The following LRRN3 variants were observed in gnomAD, a reference collection of about 807,000 sequenced individuals.
The protein encoded by LRRN3 is leucine rich repeat neuronal 3.
Under a neutral mutation model 40.1 loss-of-function variants are expected in LRRN3, and 15 were observed. The observed-to-expected ratio is 0.37, with a 90% CI of 0.25 to 0.58. The LOEUF (loss-of-function observed/expected upper bound fraction) is 0.58. LRRN3 is among the 20% of genes least tolerant of loss of function. LRRN3 has a pLI of 0.72. For synonymous variants in LRRN3, 308 were observed against 297.2 expected, an observed-to-expected ratio of 1.04 and a Z score of -0.37; for missense variants, 746 against 837.7, an observed-to-expected ratio of 0.89 and a Z score of 1.35.
intron 2 of LRRN3, among the ~76,000 whole-genome samples, chr7:111,121,272 G>A (rs2129588236): frequency 6.6e-6 from 1 of 152,238 alleles, no homozygotes; most frequent in East Asian, 1.9e-4. Flanking sequence ...TGTCAGATGA[G>A]TAGATTGCAA....
chr7:111,122,249 C>A (rs1045393905), intron 2 of LRRN3, among the ~76,000 whole-genome samples, 166 bp from the exon 3 acceptor site: 3 of 151,946 alleles, frequency 2.0e-5, no homozygotes, highest in East Asian at 1.9e-4. Flanking sequence ...CAAGGACAGT[C>A]ATGAAAAAGA....
chr7:111,091,649 G>T (rs913261046), intron 1 of LRRN3, 145 bp downstream of exon 1: 5 of 152,080 alleles, frequency 3.3e-5, no homozygotes, highest in African/African-American at 1.2e-4. Flanking sequence ...CTTTTGAGAA[G>T]AAATTCACAT....
chr7:111,119,758 C>G (rs1277535964), intron 2 of LRRN3, among the ~76,000 whole-genome samples: 1 of 152,028 alleles, frequency 6.6e-6, no homozygotes, highest in East Asian at 1.9e-4. Flanking sequence ...AATGATAATG[C>G]CCAGAAGATA....
rs1253659094 is a variant in LRRN3 at position 111,123,828 on chromosome 7, T to C, written c.1056T>C (p.Gly352=). ...NSNALSALYH[G]TIESLPNLKE... ...ATGCTCTCAGTGCCCTGTACCATGG[T>C]ACCATTGAGTCTCTGCCAAACCTCA... The change falls in exon 3 of 3, where the codon GGT becomes GGC. Residue 352 remains glycine, a synonymous_variant. Transcript: ENST00000308478. This position sits in a 1 kb window ranked among gnomAD's most constrained non-coding sequence, Gnocchi z 6.4. 1.2e-6 allele frequency: 2 copies of C among 1,613,878 alleles called. No homozygotes were observed. The highest frequency in any genetic ancestry group is 8.5e-7 in the Non-Finnish European group (1 of 1,179,972).
intron 2 of LRRN3, among the ~76,000 whole-genome samples, chr7:111,113,777 C>T (rs191522313): frequency 2.0e-5 from 3 of 152,104 alleles, no homozygotes; most frequent in Non-Finnish European, 4.4e-5. Flanking sequence ...GTCATTCAAG[C>T]AGGGGAATTT....
At chr7:111,112,038 C>A (rs1799294904) in intron 2 of LRRN3, among the ~76,000 whole-genome samples, 1 of 146,734 alleles carries the variant, frequency 6.8e-6, no homozygotes, top group Non-Finnish European at 1.5e-5. Context: ...ACCTCTGCCT[C>A]CTGGGTTCCG....
intron 2 of LRRN3, among the ~76,000 whole-genome samples, chr7:111,109,252 A>G (rs1452147653): frequency 6.6e-6 from 1 of 152,178 alleles, no homozygotes; most frequent in Admixed American, 6.5e-5. Flanking sequence ...CTTTCCTTCC[A>G]TAATTAAGTT....
At position 111,123,591 on chromosome 7, in the gene LRRN3, T is replaced by C. The variant is rs1800915868; in HGVS notation, c.819T>C (p.Asn273=). The change falls in exon 3 of 3, where the codon AAT becomes AAC. Residue 273 remains asparagine, a synonymous_variant. Transcript: ENST00000308478. This position sits in a 1 kb window ranked among gnomAD's most constrained non-coding sequence, Gnocchi z 6.4. ...TGGATCTAAATAAAAATCCTATTAA[T>C]AGAATACGAAGGGGTGATTTTAGCA... is the stretch of plus-strand genomic sequence containing the variant. ...KFLDLNKNPI[N]RIRRGDFSNM... is the part of the protein sequence containing the mutation. 1.2e-6 allele frequency: 2 copies of C among 1,613,090 alleles called. No individual in the cohort carries two copies. Among genetic ancestry groups the C allele is most frequent in the Non-Finnish European group, 1.7e-6 (2 of 1,179,274 alleles).
chr7:111,114,826 A>G (rs1799681327), intron 2 of LRRN3, among the ~76,000 whole-genome samples: 2 of 152,132 alleles, frequency 1.3e-5, no homozygotes, highest in Admixed American at 6.5e-5. Flanking sequence ...AAAATTATAT[A>G]ATAATAGAAT....
At chr7:111,100,250 C>A (rs908492753) in intron 2 of LRRN3, among the ~76,000 whole-genome samples, 2 of 151,340 alleles carry the variant, frequency 1.3e-5, no homozygotes, top group African/African-American at 4.8e-5. Context: ...GTACACTGTA[C>A]CCAATGCCTT....
At chr7:111,111,942 GTTTTTT>G (rs748410980) in intron 2 of LRRN3, among the ~76,000 whole-genome samples, 2 of 84,110 alleles carry the variant, frequency 2.4e-5, no homozygotes, top group Non-Finnish European at 4.4e-5. Context: ...TATATAGTTT[GTTTTTT>G]TTTTTTTTTT....
rs1470576699 is a variant in LRRN3, at chr7:111,124,928, T to C, written c.*29T>C. ...CCACCAAGGAAACCTACTCCAAAAA[T>C]GAACAAAAAAAAAAAAAGCGAAAGA... is the stretch of plus-strand genomic sequence containing the variant. On this transcript the variant is annotated 3_prime_UTR_variant, in exon 3 of 3. Coordinates refer to ENST00000308478, the MANE Select transcript of LRRN3 (RefSeq NM_001099658.2). The C allele has an allele frequency of 1.1e-5, 13 of 1,198,786 alleles. No individual in the cohort carries two copies. Among genetic ancestry groups the C allele is most frequent in the South Asian group, 2.9e-5 (1 of 34,564 alleles). The allele number at this position is 1,198,786 out of a possible 1,614,324, so 74.3% of individuals were successfully genotyped here.
At chr7:111,119,801 A>G (rs1800366990) in intron 2 of LRRN3, among the ~76,000 whole-genome samples, 1 of 152,104 alleles carries the variant, frequency 6.6e-6, no homozygotes, top group Admixed American at 6.6e-5. Context: ...CACGCTCTCA[A>G]GGAGGTTAGT....
intron 2 of LRRN3, among the ~76,000 whole-genome samples, chr7:111,104,133 G>T (rs1260217413): frequency 6.6e-6 from 1 of 151,634 alleles, no homozygotes; most frequent in Non-Finnish European, 1.5e-5. Context: ...TTTTTGAAAG[G>T]CAAATTTGCT....
chr7:111,124,019 T>C lies in LRRN3; in HGVS notation c.1247T>C (p.Met416Thr), dbSNP rs1479072885. ...NVRQVHFRDM[M>T]EICLPLIAPE... ...CGGCAAGTGCATTTCAGGGACATGATGGAAATTTGTCTCCCTCTTATAGCT... is the reference window on the plus strand; with the variant it reads ...CGGCAAGTGCATTTCAGGGACATGACGGAAATTTGTCTCCCTCTTATAGCT... The change falls in exon 3 of 3, where the codon ATG becomes ACG. Residue 416 changes from methionine (M) to threonine (T), a missense_variant. Transcript: ENST00000308478. The C allele has an allele frequency of 1.9e-6, 3 of 1,614,004 alleles. No homozygotes were observed. The highest frequency in any genetic ancestry group is 2.2e-5 in the East Asian group (1 of 44,888).
chr7:111,118,733 A>G (rs2129586742), intron 2 of LRRN3, among the ~76,000 whole-genome samples: 1 of 152,278 alleles, frequency 6.6e-6, no homozygotes, highest in South Asian at 2.1e-4. Context: ...ATGAAATATC[A>G]TAATCATTTC....
At chr7:111,115,001 C>A (rs934568822) in intron 2 of LRRN3, among the ~76,000 whole-genome samples, 1 of 151,970 alleles carries the variant, frequency 6.6e-6, no homozygotes, top group Non-Finnish European at 1.5e-5. Flanking sequence ...TAACCTGAAG[C>A]AAATTTTCCA....
intron 2 of LRRN3, among the ~76,000 whole-genome samples, chr7:111,108,929 G>C (rs1586323203): frequency 6.6e-6 from 1 of 152,088 alleles, no homozygotes; most frequent in Admixed American, 6.6e-5. Context: ...CAATATTCTA[G>C]CTAGGCATTG....
intron 1 of LRRN3, among the ~76,000 whole-genome samples, chr7:111,092,154 C>T (rs1255235568): frequency 6.6e-6 from 1 of 152,206 alleles, no homozygotes; most frequent in Non-Finnish European, 1.5e-5. Context: ...GGGTAAATGA[C>T]TTCCCTTTAA....
Sources: allele counts gnomAD v4.1 joint callset (sites outside exome capture counted in the v4.1 genomes callset), GRCh38; gene constraint gnomAD v4.1.1; non-coding constraint Gnocchi (gnomAD v3.1); transcripts MANE v1.5; gene names NCBI Gene and HGNC (gene_info 2026-07-23, HGNC 2026-07-21).